The following B4GALNT1 variants were observed in gnomAD, a reference collection of about 807,000 sequenced individuals.
The protein encoded by B4GALNT1 is beta-1,4 N-acetylgalactosaminyltransferase 1.
In B4GALNT1, 43 loss-of-function variants were observed where a neutral mutation model predicts 55.2. The ratio of observed to expected loss-of-function variants is 0.78; its 90% CI spans 0.61 to 1.00. The LOEUF is 1.00. Ranked by LOEUF, B4GALNT1 falls within the 50% of genes least tolerant of loss-of-function variation. The pLI is 0.00. For missense variants in B4GALNT1, 664 were observed against 729.7 expected (o/e 0.91, Z 1.04); for synonymous variants, 305 against 311.6 (o/e 0.98, Z 0.22).
In B4GALNT1 at chr12:57,623,418, G is replaced by C. The variant is rs1299111234; in HGVS notation, c.*3326C>G. ...ACACAAAACTATAAAATAAACTTAA[G>C]AGATAAAATTCTTATTTTTTTCACA... On this transcript the variant is annotated 3_prime_UTR_variant, in exon 11 of 11. Transcript: ENST00000341156. 4.1e-6 allele frequency: 2 copies of C among 487,426 alleles called. No individual in the cohort carries two copies. Among genetic ancestry groups the C allele is most frequent in the Non-Finnish European group, 7.2e-6 (2 of 277,144 alleles). 30.2% of individuals were successfully genotyped at this position (487,426 alleles called of 1,614,324 possible).
Position 57,624,080 on chromosome 12 carries a change from C to T in B4GALNT1, c.*2664G>A, listed in dbSNP as rs1884639147. Reference sequence around the variant, plus strand: ...TGCAGGAACTTCCACAACTATGGCACATCAGCCGAGTGGACTTTGTGAGAA... The same window carrying T: ...TGCAGGAACTTCCACAACTATGGCATATCAGCCGAGTGGACTTTGTGAGAA... On this transcript the variant is annotated 3_prime_UTR_variant, in exon 11 of 11. Coordinates refer to ENST00000341156, the MANE Select transcript of B4GALNT1 (RefSeq NM_001478.5). The T allele has an allele frequency of 6.2e-7, 1 of 1,613,950 alleles. No homozygotes were observed. Among genetic ancestry groups the T allele is most frequent in the Non-Finnish European group, 8.5e-7 (1 of 1,179,932 alleles).
At position 57,632,035 on chromosome 12, in the gene B4GALNT1, A is replaced by G. The variant is rs920888983; in HGVS notation, c.98T>C (p.Leu33Pro). 19 of 1,447,186 alleles carry G rather than the reference A, an allele frequency of 1.3e-5. No homozygotes were observed. The highest frequency in any genetic ancestry group is 1.7e-5 in the Non-Finnish European group (19 of 1,099,040). 89.6% of individuals were successfully genotyped at this position (1,447,186 alleles called of 1,614,324 possible). A position where few individuals can be genotyped will look rare whatever the true frequency, so the allele number is the denominator to read the frequency against. The change falls in exon 2 of 11, where the codon CTC becomes CCC. Residue 33 changes from leucine to proline, a missense_variant. Transcript: ENST00000341156. ...LYASTRDAPGLRLPLAPWAPP... is the reference protein window; with the variant it reads ...LYASTRDAPGPRLPLAPWAPP... ...CGCCCACGGCGCAAGAGGTAGCCGG[A>G]GGCCGGGCGCGTCCCGGGTGCTCGC...
In B4GALNT1 at chr12:57,628,216, T is replaced by G; in HGVS notation, c.1049A>C (p.Lys350Thr). ...GTCGTCGTCCACCCACAGCACGTACTTGGTGGTTACTTGAGACACGGCCAG... is the reference window on the plus strand; with the variant it reads ...GTCGTCGTCCACCCACAGCACGTACGTGGTGGTTACTTGAGACACGGCCAG... Reference protein sequence around the residue: ...RNLAVSQVTTKYVLWVDDDFV... With the variant: ...RNLAVSQVTTTYVLWVDDDFV... Residue 350 changes from lysine (K) to threonine (T), a missense_variant, in exon 9 of 11, where the codon AAG becomes ACG. Lys to Thr is a moderately conservative substitution (Grantham distance 78, BLOSUM62 -1). Coordinates refer to ENST00000341156, the MANE Select transcript of B4GALNT1 (RefSeq NM_001478.5). The G allele has an allele frequency of 6.2e-7, 1 of 1,614,284 alleles. No individual in the cohort carries two copies. The highest frequency in any genetic ancestry group is 8.5e-7 in the Non-Finnish European group (1 of 1,180,056).
chr12:57,623,945 G>C lies in B4GALNT1; in HGVS notation c.*2799C>G, dbSNP rs1290748222. 1 of 1,613,436 alleles carries C rather than the reference G, an allele frequency of 6.2e-7. No homozygotes were observed. The highest frequency in any genetic ancestry group is 8.5e-7 in the Non-Finnish European group (1 of 1,179,656). ...AGCAGAGGAGGCATGAGCATGGCTG[G>C]GAGGGGTAGCTGTATTCCAGGACAT... On this transcript the variant is annotated 3_prime_UTR_variant, in exon 11 of 11. Transcript: ENST00000341156.
At chr12:57,630,840 G>T in intron 4 of B4GALNT1, 140 bp downstream of exon 4, 1 of 840,492 alleles carries the variant, frequency 1.2e-6, no homozygotes, top group Non-Finnish European at 1.9e-6. Context: ...CACCTCCTAA[G>T]CCGCCGTTTG....
In B4GALNT1 at chr12:57,624,945, A is replaced by C; in HGVS notation, c.*1799T>G. ...GGGACCCGTGGGCAGTTTCGCTGCA[A>C]CCTGGAGTGGCACCTGGGGCTCGGA... is the stretch of plus-strand genomic sequence containing the variant. On this transcript the variant is annotated 3_prime_UTR_variant, in exon 11 of 11. Transcript: ENST00000341156. 1 of 1,614,150 alleles carries C rather than the reference A, an allele frequency of 6.2e-7. No homozygotes were observed. Among genetic ancestry groups the C allele is most frequent in the Non-Finnish European group, 8.5e-7 (1 of 1,180,036 alleles).
Position 57,629,099 on chromosome 12 carries a change from T to G in B4GALNT1, c.760A>C (p.Arg254=), listed in dbSNP as rs1230537675. Residue 254 remains arginine (R), a synonymous_variant, in exon 7 of 11, where the codon AGA becomes CGA. Coordinates refer to ENST00000341156, the MANE Select transcript of B4GALNT1 (RefSeq NM_001478.5). ...GHEAAFTIRI[R]HPPNPRLYPP... ...TACAGCCGAGGGTTGGGCGGGTGTCTTATGCGGATAGTGAAAGCAGCCTCA... is the reference window on the plus strand; with the variant it reads ...TACAGCCGAGGGTTGGGCGGGTGTCGTATGCGGATAGTGAAAGCAGCCTCA... 1.9e-6 allele frequency: 3 copies of G among 1,599,194 alleles called. No individual in the cohort carries two copies. The highest frequency in any genetic ancestry group is 4.5e-5 in the East Asian group (2 of 44,526).
In B4GALNT1 at chr12:57,630,026, T is replaced by C. The variant is rs763505806; in HGVS notation, c.712+126A>G. The C allele has an allele frequency of 3.2e-6, 5 of 1,571,982 alleles. No individual in the cohort carries two copies. In the East Asian group the frequency reaches 9.2e-5, roughly 29 times the overall value. Reference sequence around the variant, plus strand: ...CTGCTGGTCCAGTTGAAGCACCCATTGTGTGGCTGGACAGCTCTGGCCATA... The same window carrying C: ...CTGCTGGTCCAGTTGAAGCACCCATCGTGTGGCTGGACAGCTCTGGCCATA... On this transcript the variant is annotated intron_variant, in intron 6 of 10. Coordinates refer to ENST00000341156, the MANE Select transcript of B4GALNT1 (RefSeq NM_001478.5).
Position 57,625,581 on chromosome 12 carries a change from G to A in B4GALNT1, c.*1163C>T, listed in dbSNP as rs372212064. 9.4e-6 allele frequency: 15 copies of A among 1,599,356 alleles called. No homozygotes were observed. The highest frequency in any genetic ancestry group is 4.0e-5 in the African/African-American group (3 of 74,696). On this transcript the variant is annotated 3_prime_UTR_variant, in exon 11 of 11. Transcript: ENST00000341156. ...CAGAGTCTGACACCCTCCCCACATAGCCTTGGTGCAGGGGACACTGACCCG... is the reference window on the plus strand; with the variant it reads ...CAGAGTCTGACACCCTCCCCACATAACCTTGGTGCAGGGGACACTGACCCG...
At position 57,624,038 on chromosome 12, in the gene B4GALNT1, C is replaced by T. The variant is rs1884635886; in HGVS notation, c.*2706G>A. 6.2e-7 allele frequency: 1 copy of T among 1,612,650 alleles called. No individual in the cohort carries two copies. On this transcript the variant is annotated 3_prime_UTR_variant, in exon 11 of 11. Transcript: ENST00000341156. ...CTTGCATCAACATCTCCAGCATGCG[C>T]CAGGTGTTCTGCCAGATGCAGGAAC...
rs1885327246 is a variant in B4GALNT1, at chr12:57,633,055, C to A, written c.-285G>T. 1 of 152,240 alleles carries A rather than the reference C, an allele frequency of 6.6e-6. No individual in the cohort carries two copies. Among genetic ancestry groups the A allele is most frequent in the Admixed American group, 6.5e-5 (1 of 15,288 alleles). The allele number at this position is 152,240 out of a possible 1,614,324, so 9.4% of individuals were successfully genotyped here. A position where few individuals can be genotyped will look rare whatever the true frequency, so the allele number is the denominator to read the frequency against. On this transcript the variant is annotated 5_prime_UTR_variant, in exon 1 of 11. Coordinates refer to ENST00000341156, the MANE Select transcript of B4GALNT1 (RefSeq NM_001478.5). ...AAGTTAAGAGTCTGTTGCACCCCAGCCCCGGGGCAAAGCCGGGGATCCCTG... is the reference window on the plus strand; with the variant it reads ...AAGTTAAGAGTCTGTTGCACCCCAGACCCGGGGCAAAGCCGGGGATCCCTG...
intron 6 of B4GALNT1, 29 bp downstream of exon 6, chr12:57,630,123 C>A: frequency 6.2e-7 from 1 of 1,614,252 alleles, no homozygotes; most frequent in Non-Finnish European, 8.5e-7. Flanking sequence ...TTTGCCCAGC[C>A]TGCCCGTCTC....
rs777018850 is a variant in B4GALNT1, at chr12:57,632,059, G to T, written c.74C>A (p.Ala25Glu). The change falls in exon 2 of 11, where the codon GCG becomes GAG. Residue 25 changes from alanine (A) to glutamate (E), a missense_variant. Coordinates refer to ENST00000341156, the MANE Select transcript of B4GALNT1 (RefSeq NM_001478.5). ...LACASLGLLYASTRDAPGLRL... is the reference protein window; with the variant it reads ...LACASLGLLYESTRDAPGLRL... ...GAGGCCGGGCGCGTCCCGGGTGCTC[G>T]CGTACAGGAGCCCCAGCGAGGCGCA... The T allele has an allele frequency of 5.5e-5, 79 of 1,443,392 alleles. No homozygotes were observed. Among genetic ancestry groups the T allele is most frequent in the Non-Finnish European group, 7.2e-5 (79 of 1,096,652 alleles). 89.4% of individuals were successfully genotyped at this position (1,443,392 alleles called of 1,614,324 possible).
chr12:57,631,139 C>T (rs753250306), intron 3 of B4GALNT1, 53 bp from the exon 4 acceptor site: 2 of 1,610,242 alleles, frequency 1.2e-6, no homozygotes, highest in East Asian at 4.5e-5. Context: ...GAGGGTCTCT[C>T]CCTCCCGGCA....
chr12:57,625,062 C>T lies in B4GALNT1; in HGVS notation c.*1682G>A. 1.2e-6 allele frequency: 2 copies of T among 1,613,734 alleles called. No homozygotes were observed. Among genetic ancestry groups the T allele is most frequent in the African/African-American group, 2.7e-5 (2 of 74,986 alleles). ...GGGTGTTCTGAGGGGGATCCTTGTG[C>T]TCAAGGGGTGCATGTTCATGCTGTG... On this transcript the variant is annotated 3_prime_UTR_variant, in exon 11 of 11. Coordinates refer to ENST00000341156, the MANE Select transcript of B4GALNT1 (RefSeq NM_001478.5).
At position 57,624,483 on chromosome 12, in the gene B4GALNT1, C is replaced by A; in HGVS notation, c.*2261G>T. The A allele has an allele frequency of 1.6e-6, 1 of 616,890 alleles. No individual in the cohort carries two copies. Among genetic ancestry groups the A allele is most frequent in the Non-Finnish European group, 3.2e-6 (1 of 316,382 alleles). The allele number at this position is 616,890 out of a possible 1,614,324, so 38.2% of individuals were successfully genotyped here. ...GGCTTTTCTTTTGGGCAATCCACCCCTATCCCTATCCTGCAGGCTGTGTGG... is the reference window on the plus strand; with the variant it reads ...GGCTTTTCTTTTGGGCAATCCACCCATATCCCTATCCTGCAGGCTGTGTGG... On this transcript the variant is annotated 3_prime_UTR_variant, in exon 11 of 11. Coordinates refer to ENST00000341156, the MANE Select transcript of B4GALNT1 (RefSeq NM_001478.5).
Position 57,630,502 on chromosome 12 carries a change from T to G in B4GALNT1, c.507A>C (p.Ala169=). The G allele has an allele frequency of 1.2e-6, 2 of 1,609,226 alleles. No homozygotes were observed. The highest frequency in any genetic ancestry group is 8.5e-7 in the Non-Finnish European group (1 of 1,177,696). Residue 169 remains alanine, a synonymous_variant, in exon 5 of 11, where the codon GCA becomes GCC. Coordinates refer to ENST00000341156, the MANE Select transcript of B4GALNT1 (RefSeq NM_001478.5). ...SILVPGLSLQ[A]ASGQEVYQVN... is the part of the protein sequence containing the mutation. The stretch of plus-strand genomic sequence containing the variant: ...CCTGGTATACCTCCTGACCAGAAGC[T>G]GCCTGAAGGCTCAGCCCTAGGAGAA...
At position 57,625,920 on chromosome 12, in the gene B4GALNT1, C is replaced by A; in HGVS notation, c.*824G>T. The A allele has an allele frequency of 1.6e-6, 1 of 640,672 alleles. No homozygotes were observed. Among genetic ancestry groups the A allele is most frequent in the Non-Finnish European group, 2.4e-6 (1 of 419,026 alleles). 39.7% of individuals were successfully genotyped at this position (640,672 alleles called of 1,614,324 possible). Reference sequence around the variant, plus strand: ...CTCAGATCCCTAAGTAGGTGGGGTACCCCTGAGAGGACTGCCACATTTCAT... The same window carrying A: ...CTCAGATCCCTAAGTAGGTGGGGTAACCCTGAGAGGACTGCCACATTTCAT... On this transcript the variant is annotated 3_prime_UTR_variant, in exon 11 of 11. Coordinates refer to ENST00000341156, the MANE Select transcript of B4GALNT1 (RefSeq NM_001478.5).
intron 6 of B4GALNT1, chr12:57,629,416 C>T (rs1194400260): frequency 1.4e-5 from 5 of 359,176 alleles, no homozygotes; most frequent in Non-Finnish European, 2.5e-5. Context: ...TCATTTTATC[C>T]CCATGATAGC....
Sources: gnomAD v4.1 joint callset for allele counts on GRCh38, gnomAD v4.1.1 for gene constraint, MANE v1.5 for transcripts, NCBI Gene and HGNC (gene_info 2026-07-23, HGNC 2026-07-21) for gene names.